Variants in ZC3H11A observed in about 807,000 individuals in gnomAD.
ZC3H11A encodes zinc finger CCCH-type containing 11A.
A neutral mutation model predicts 90.8 loss-of-function variants in ZC3H11A; 22 were observed. That is an observed-to-expected ratio of 0.24 (90% CI 0.17 to 0.35). The LOEUF is 0.35. Ranked by LOEUF, ZC3H11A falls within the 10% of genes least tolerant of loss-of-function variation. The pLI is 1.00. For synonymous variants in ZC3H11A, 294 were observed against 339.8 expected (o/e 0.87, Z 1.48); for missense variants, 701 against 964.9 (o/e 0.73, Z 3.62).
chr1:203,821,720 A>C (rs369343867), intron 4 of ZC3H11A, among the ~76,000 whole-genome samples: 1 of 151,636 alleles, frequency 6.6e-6, no homozygotes, highest in Non-Finnish European at 1.5e-5. Context: ...ATATAAATGT[A>C]TACACTTAAC....
chr1:203,805,608 A>T, intron 2 of ZC3H11A: 1 of 653,396 alleles, frequency 1.5e-6, no homozygotes, highest in Non-Finnish European at 2.9e-6. Context: ...TGATGTACTT[A>T]AATGCAAATG....
Position 203,830,145 on chromosome 1 carries a change from A to T in ZC3H11A, c.642A>T (p.Ile214=). The T allele has an allele frequency of 6.3e-7, 1 of 1,597,376 alleles. No homozygotes were observed. The highest frequency in any genetic ancestry group is 1.4e-5 in the African/African-American group (1 of 73,740). ...IKQGECLNFG[I]KTLEEIKSKK... ...CAGGTGAATGTTTGAATTTTGGAAT[A>T]AAAACTCTTGAGGAAATTAAGTCAA... Residue 214 remains isoleucine, a synonymous_variant, in exon 8 of 18, where the codon ATA becomes ATT. Coordinates refer to ENST00000367210, the MANE Select transcript of ZC3H11A (RefSeq NM_001376342.1).
chr1:203,799,515 G>A (rs1669861530), intron 1 of ZC3H11A: 1 of 702,966 alleles, frequency 1.4e-6, no homozygotes, highest in East Asian at 2.7e-5. Flanking sequence ...TTGCTACTCA[G>A]TTCACCATAG....
chr1:203,798,592 A>G (rs1457904945), intron 1 of ZC3H11A: 1 of 1,536,160 alleles, frequency 6.5e-7, no homozygotes, highest in East Asian at 2.4e-5. Context: ...GGCAGCCAAG[A>G]TTTAACAGCT....
intron 1 of ZC3H11A, chr1:203,796,326 A>C (rs1668486864): frequency 2.5e-6 from 1 of 398,326 alleles, no homozygotes; most frequent in Non-Finnish European, 4.4e-6. Flanking sequence ...CTCAAACTCC[A>C]CATACAGAAA....
intron 2 of ZC3H11A, chr1:203,805,512 C>G (rs918956371): frequency 1.7e-5 from 8 of 474,478 alleles, no homozygotes; most frequent in Admixed American, 2.6e-5. Flanking sequence ...TGTAATTAAA[C>G]TTTCCTTCAA....
intron 4 of ZC3H11A, among the ~76,000 whole-genome samples, chr1:203,822,781 GTCATGTGGATACCT>G (rs1679212770): frequency 6.6e-6 from 1 of 152,034 alleles, no homozygotes; most frequent in East Asian, 1.9e-4. Flanking sequence ...GTTCCACATG[GTCATGTGGATACCT>G]TCCTATTCTC....
intron 11 of ZC3H11A, among the ~76,000 whole-genome samples, chr1:203,838,821 C>A (rs1685161763): frequency 6.6e-6 from 1 of 151,890 alleles, no homozygotes; most frequent in Non-Finnish European, 1.5e-5. Context: ...GGCAGGGTGG[C>A]ACGCACCTAT....
chr1:203,833,699 A>G (rs753468155), intron 9 of ZC3H11A, 92 bp from the exon 10 acceptor site: 2 of 974,652 alleles, frequency 2.1e-6, no homozygotes, highest in South Asian at 5.0e-5. Context: ...GTGGATTTAC[A>G]CTAATATCAG....
intron 14 of ZC3H11A, among the ~76,000 whole-genome samples, chr1:203,848,875 C>G (rs1688605118): frequency 6.6e-6 from 1 of 151,942 alleles, no homozygotes; most frequent in African/African-American, 2.4e-5. Flanking sequence ...ATGTAACCAT[C>G]ATTATCTTTT....
In ZC3H11A at chr1:203,816,995, T is replaced by G; in HGVS notation, c.-76T>G. The G allele has an allele frequency of 6.6e-6, 7 of 1,067,392 alleles. No individual in the cohort carries two copies. The highest frequency in any genetic ancestry group is 9.6e-6 in the Non-Finnish European group (7 of 727,970). The allele number at this position is 1,067,392 out of a possible 1,614,324, so 66.1% of individuals were successfully genotyped here. On this transcript the variant is annotated 5_prime_UTR_variant, in exon 3 of 18. Coordinates refer to ENST00000367210, the MANE Select transcript of ZC3H11A (RefSeq NM_001376342.1). ...AAGATTAAACCCATTTCACGAGGAC[T>G]TGGAGCCTGGTCCTTGCTTTGAGGA...
At chr1:203,811,103 T>C (rs1454833995) in intron 2 of ZC3H11A, among the ~76,000 whole-genome samples, 1 of 147,272 alleles carries the variant, frequency 6.8e-6, no homozygotes, top group East Asian at 2.0e-4. Context: ...ATTGCGCCAC[T>C]GCACTCCAGC....
chr1:203,796,214 A>C (rs1668435296), intron 1 of ZC3H11A: 1 of 389,416 alleles, frequency 2.6e-6, no homozygotes, highest in Admixed American at 4.5e-5. Flanking sequence ...CAGTTTCTCT[A>C]GTTGAGCGGA....
chr1:203,851,046 T>TC lies in ZC3H11A; in HGVS notation c.2107-9dup. The TC allele has an allele frequency of 3.1e-6, 5 of 1,613,776 alleles. No individual in the cohort carries two copies. The highest frequency in any genetic ancestry group is 4.2e-6 in the Non-Finnish European group (5 of 1,179,932). ...GACTCTCACTGAATTACCTGACTCT[T>TC]CCTTTTGTAGGCTGTTGTCCCGCTT... On this transcript the variant is annotated splice_polypyrimidine_tract_variant and intron_variant, in intron 16 of 17. Transcript: ENST00000367210.
chr1:203,819,266 C>A (rs540813742), intron 4 of ZC3H11A, among the ~76,000 whole-genome samples: 1 of 148,026 alleles, frequency 6.8e-6, no homozygotes, highest in African/African-American at 2.5e-5. Context: ...CTGTCGCCCA[C>A]GCTGGAGTGC....
intron 1 of ZC3H11A, chr1:203,798,961 T>C (rs1227331031): frequency 1.3e-6 from 2 of 1,536,150 alleles, no homozygotes; most frequent in South Asian, 2.4e-5. Context: ...AGCCAAAAGA[T>C]ACACCTGACT....
chr1:203,816,704 G>A (rs2102763065), intron 2 of ZC3H11A, among the ~76,000 whole-genome samples: 2 of 152,216 alleles, frequency 1.3e-5, no homozygotes, highest in South Asian at 4.1e-4. Flanking sequence ...TGTGTAACAA[G>A]CATCACAGAG....
At chr1:203,851,195 A>G (rs1273080316) in intron 17 of ZC3H11A, 71 bp downstream of exon 17, 2 of 1,338,172 alleles carry the variant, frequency 1.5e-6, no homozygotes, top group Non-Finnish European at 2.1e-6. Flanking sequence ...AGAGAATAAC[A>G]CTGATAAATA....
chr1:203,808,561 A>G (rs1673150215), intron 2 of ZC3H11A, among the ~76,000 whole-genome samples: 1 of 152,074 alleles, frequency 6.6e-6, no homozygotes. Context: ...TAGGATTTCT[A>G]TTTATAGAAA....
Sources: allele counts gnomAD v4.1 joint callset (sites outside exome capture counted in the v4.1 genomes callset), GRCh38; gene constraint gnomAD v4.1.1; transcripts MANE v1.5; gene names NCBI Gene and HGNC (gene_info 2026-07-23, HGNC 2026-07-21).